Variants in GALNT13 observed in about 807,000 individuals in gnomAD.
GALNT13 encodes UDP-GalNAc:polypeptide N-acetylgalactosaminyltransferase 13.
A neutral mutation model predicts 64.2 loss-of-function variants in GALNT13; 28 were observed. That is an observed-to-expected ratio of 0.44 (90% CI 0.32 to 0.60). The LOEUF is 0.60. Ranked by LOEUF, GALNT13 falls within the 20% of genes least tolerant of loss-of-function variation. GALNT13 has a pLI of 0.05. For missense variants in GALNT13, 577 were observed against 669.8 expected (o/e 0.86, Z 1.53); for synonymous variants, 214 against 224.6 (o/e 0.95, Z 0.42).
chr2:153,808,938 T>G, the GALNT13 span, among the ~76,000 whole-genome samples: 1 of 152,224 alleles, frequency 6.6e-6, no homozygotes, highest in Non-Finnish European at 1.5e-5. Flanking sequence ...CCTGAATATC[T>G]GAACATGGGT....
the GALNT13 span, among the ~76,000 whole-genome samples, chr2:153,091,039 C>T: frequency 2.0e-5 from 3 of 152,054 alleles, no homozygotes; most frequent in Admixed American, 2.0e-4. Flanking sequence ...AGACCTTGAC[C>T]CTCCCTGTCT....
chr2:153,636,503 G>A, the GALNT13 span, among the ~76,000 whole-genome samples: 17 of 152,098 alleles, frequency 1.1e-4, no homozygotes, highest in African/African-American at 3.9e-4. Context: ...AATAATAATA[G>A]TTACAGTTAC....
chr2:153,533,187 G>T, the GALNT13 span, among the ~76,000 whole-genome samples: 3 of 152,054 alleles, frequency 2.0e-5, no homozygotes, highest in Admixed American at 6.6e-5. Context: ...ATTTGAAAGG[G>T]GTATAATGAT....
the GALNT13 span, among the ~76,000 whole-genome samples, chr2:153,753,843 AG>A: frequency 2.6e-5 from 4 of 152,212 alleles, no homozygotes; most frequent in Admixed American, 2.0e-4. Context: ...GGTGTCATCC[AG>A]TAGTTAGGGA....
At chr2:153,937,491 T>G (rs2105370016) in intron 2 of GALNT13, among the ~76,000 whole-genome samples, 1 of 152,258 alleles carries the variant, frequency 6.6e-6, no homozygotes, top group Non-Finnish European at 1.5e-5. Context: ...ATGGTAGGAT[T>G]GAGGGTTCTA....
At chr2:153,544,895 A>G in the GALNT13 span, among the ~76,000 whole-genome samples, 6 of 152,234 alleles carry the variant, frequency 3.9e-5, no homozygotes, top group Non-Finnish European at 8.8e-5. Flanking sequence ...AAATAAAGCC[A>G]TGACAGATAG....
Position 154,244,276 on chromosome 2 carries a change from G to A in GALNT13, c.686+1371G>A, listed in dbSNP as rs1689655884. ...AGTTTAAAACTACCCTAAATAGACAGTCTGTTCAAGATTTTTAGACCTAAT... is the reference window on the plus strand; with the variant it reads ...AGTTTAAAACTACCCTAAATAGACAATCTGTTCAAGATTTTTAGACCTAAT... On this transcript the variant is annotated intron_variant, in intron 6 of 12. Coordinates refer to ENST00000392825, the MANE Select transcript of GALNT13 (RefSeq NM_052917.4). 2.0e-5 allele frequency among the ~76,000 whole-genome samples: 3 copies of A among 152,082 alleles called. No individual in the cohort carries two copies. The South Asian group carries it at 6.2e-4, about 32-fold the overall frequency.
chr2:153,938,874 A>G (rs994569659), intron 2 of GALNT13, among the ~76,000 whole-genome samples: 15 of 152,118 alleles, frequency 9.9e-5, no homozygotes, highest in Non-Finnish European at 2.1e-4. Context: ...CTAAGATACT[A>G]GGGGTTAGGA....
chr2:153,913,056 G>A (rs1437621028), intron 2 of GALNT13, among the ~76,000 whole-genome samples: 2 of 152,200 alleles, frequency 1.3e-5, no homozygotes, highest in Non-Finnish European at 2.9e-5. Context: ...GTTTATGCCA[G>A]TGTTGGTGTT....
At chr2:153,591,456 C>T in the GALNT13 span, among the ~76,000 whole-genome samples, 1 of 151,930 alleles carries the variant, frequency 6.6e-6, no homozygotes, top group African/African-American at 2.4e-5. Context: ...AGAATTGTAA[C>T]ATTTATATGG....
intron 9 of GALNT13, among the ~76,000 whole-genome samples, chr2:154,320,267 A>T (rs1224248787): frequency 1.3e-5 from 2 of 152,168 alleles, no homozygotes; most frequent in Non-Finnish European, 2.9e-5. Flanking sequence ...CTTCATTGTC[A>T]AGGGAGAATA....
At chr2:153,865,399 G>A in the GALNT13 span, among the ~76,000 whole-genome samples, 8 of 142,520 alleles carry the variant, frequency 5.6e-5, no homozygotes, top group East Asian at 7.8e-4. Flanking sequence ...GAAAATTTTC[G>A]CAGCCTACTC....
chr2:154,245,134 A>AATAT (rs1210724277), intron 6 of GALNT13, among the ~76,000 whole-genome samples: 2 of 151,344 alleles, frequency 1.3e-5, no homozygotes, highest in African/African-American at 2.4e-5. Context: ...TAAATAAATA[A>AATAT]ATAAATAAAT....
the GALNT13 span, among the ~76,000 whole-genome samples, chr2:153,232,136 C>G: frequency 2.4e-4 from 37 of 152,264 alleles, no homozygotes; most frequent in South Asian, 1.5e-3. Flanking sequence ...CTATGCAACA[C>G]AAATAAGTAC....
At chr2:154,197,297 T>C (rs1686929165) in intron 4 of GALNT13, among the ~76,000 whole-genome samples, 1 of 152,064 alleles carries the variant, frequency 6.6e-6, no homozygotes, top group Non-Finnish European at 1.5e-5. Context: ...CAGTAAAATA[T>C]ATAAAAGAAA....
chr2:154,055,670 C>T (rs1699859501), intron 3 of GALNT13, among the ~76,000 whole-genome samples: 1 of 152,040 alleles, frequency 6.6e-6, no homozygotes, highest in African/African-American at 2.4e-5. Context: ...CAAGGAGGTT[C>T]ACTCTTAAAA....
chr2:153,933,046 A>G (rs529878675), intron 2 of GALNT13, among the ~76,000 whole-genome samples: 27 of 152,164 alleles, frequency 1.8e-4, no homozygotes, highest in Admixed American at 1.6e-3. Flanking sequence ...TGAACATGTG[A>G]TTGATTTTAG....
the GALNT13 span, among the ~76,000 whole-genome samples, chr2:153,603,925 A>T: frequency 6.6e-6 from 1 of 152,092 alleles, no homozygotes; most frequent in South Asian, 2.1e-4. Flanking sequence ...TTCTGTGTGT[A>T]TGTCATTATC....
intron 8 of GALNT13, among the ~76,000 whole-genome samples, chr2:154,271,519 G>C (rs1217915353): frequency 1.3e-5 from 2 of 151,808 alleles, no homozygotes; most frequent in Non-Finnish European, 2.9e-5. Context: ...AGGCATTTGA[G>C]GAACAGAATA....
Sources: gnomAD v4.1 joint callset for allele counts (sites outside exome capture counted in the v4.1 genomes callset) on GRCh38, gnomAD v4.1.1 for gene constraint, MANE v1.5 for transcripts, NCBI Gene and HGNC (gene_info 2026-07-23, HGNC 2026-07-21) for gene names.